The following PHACTR2 variants were observed in gnomAD, a reference collection of about 807,000 sequenced individuals.
PHACTR2 encodes chromosome 6 open reading frame 56.
A neutral mutation model predicts 76.0 loss-of-function variants in PHACTR2; 30 were observed. The ratio of observed to expected loss-of-function variants is 0.39; its 90% confidence interval spans 0.30 to 0.54. The LOEUF is 0.54. Ranked by LOEUF, PHACTR2 falls within the 20% of genes least tolerant of loss-of-function variation. The pLI is 0.61. For synonymous variants in PHACTR2, 292 were observed against 292.5 expected (o/e 1.00, Z 0.02); for missense variants, 696 against 781.1 (o/e 0.89, Z 1.30).
intron 5 of PHACTR2, among the ~76,000 whole-genome samples, chr6:143,763,620 T>G (rs1376643468): frequency 1.3e-5 from 2 of 152,198 alleles, no homozygotes; most frequent in Admixed American, 1.3e-4. Context: ...TATGTATATC[T>G]TAAACGATAA....
rs369788929 is a variant in PHACTR2, at chr6:143,736,873, C to A, written c.215-12112C>A. Among the ~76,000 whole-genome samples the A allele has an allele frequency of 2.4e-4, 37 of 151,760 alleles. 2 individuals are homozygous for A. The highest frequency in any genetic ancestry group is 7.0e-4 in the African/African-American group (29 of 41,356). ...ACTGGCGTGAGCCAACACGTCCGGC[C>A]TACAAGATATTTTAATCATCCTAAC... On this transcript the variant is annotated intron_variant, in intron 2 of 12. Transcript: ENST00000440869.
chr6:143,830,617 G>A lies in PHACTR2; in HGVS notation c.*6928G>A, dbSNP rs1776647647. 1 of 152,152 alleles carries A rather than the reference G, an allele frequency of 6.6e-6. No individual in the cohort carries two copies. Among genetic ancestry groups the A allele is most frequent in the Non-Finnish European group, 1.5e-5 (1 of 68,014 alleles). The allele number at this position is 152,152 out of a possible 1,614,324, so 9.4% of individuals were successfully genotyped here. A position where few individuals can be genotyped will look rare whatever the true frequency, so the allele number is the denominator to read the frequency against. On this transcript the variant is annotated 3_prime_UTR_variant, in exon 13 of 13. Coordinates refer to ENST00000440869, the MANE Select transcript of PHACTR2 (RefSeq NM_001100164.2). ...TTCCACTATTGTAACCTGAAAGAAA[G>A]ACTATGTATTCCCTTTTTTAATTCC...
At position 143,648,067 on chromosome 6, in the gene PHACTR2, G is replaced by A. The variant is rs1776691193; in HGVS notation, c.13+39745G>A. Among the ~76,000 whole-genome samples, 1 of 152,174 alleles carries A rather than the reference G, an allele frequency of 6.6e-6. No individual in the cohort carries two copies. ...GGCTGCGACAGAGCCACAACAGTTG[G>A]GAACTGGTGGGTGATGACATTTGGG... is the stretch of plus-strand genomic sequence containing the variant. On this transcript the variant is annotated intron_variant, in intron 1 of 11. Coordinates refer to the PHACTR2 transcript ENST00000305766. The surrounding 1 kb of genome is among the most constrained non-coding windows in gnomAD (Gnocchi z 6.7).
At chr6:143,726,348 AAT>A (rs1208795591) in intron 2 of PHACTR2, among the ~76,000 whole-genome samples, 2 of 152,164 alleles carry the variant, frequency 1.3e-5, no homozygotes, top group African/African-American at 2.4e-5. Context: ...AGTAGTGTTC[AAT>A]ATATTTACAT....
At chr6:143,796,682 T>C (rs1351006816) in intron 11 of PHACTR2, among the ~76,000 whole-genome samples, 1 of 152,148 alleles carries the variant, frequency 6.6e-6, no homozygotes, top group Non-Finnish European at 1.5e-5. Context: ...GATCTTGTGA[T>C]AGTTTGCTGA....
At chr6:143,600,699 C>T (rs1221621844) in intron 1 of PHACTR2, among the ~76,000 whole-genome samples, 2 of 152,152 alleles carry the variant, frequency 1.3e-5, no homozygotes, top group Non-Finnish European at 2.9e-5. Context: ...TATTTTCATA[C>T]CAAGACTATT....
rs966533221 is a variant in PHACTR2 at position 143,654,489 on chromosome 6, A to C, written c.13+46167A>C. ...TAAATAAAATATACTATATCCACTCAATAGAATATTATTTGCCAATTAAAA... is the reference window on the plus strand; with the variant it reads ...TAAATAAAATATACTATATCCACTCCATAGAATATTATTTGCCAATTAAAA... On this transcript the variant is annotated intron_variant, in intron 1 of 11. Coordinates refer to the PHACTR2 transcript ENST00000305766. This position sits in a 1 kb window ranked among gnomAD's most constrained non-coding sequence, Gnocchi z 4.6. Among the ~76,000 whole-genome samples the C allele has an allele frequency of 2.6e-5, 4 of 152,186 alleles. No individual in the cohort carries two copies. Among genetic ancestry groups the C allele is most frequent in the Non-Finnish European group, 5.9e-5 (4 of 68,024 alleles).
chr6:143,692,624 C>T (rs959295981), intron 1 of PHACTR2, among the ~76,000 whole-genome samples: 2 of 152,154 alleles, frequency 1.3e-5, no homozygotes, highest in East Asian at 3.8e-4. Flanking sequence ...TCAGAACACA[C>T]GTATACCTCA....
Position 143,823,637 on chromosome 6 carries a change from T to G in PHACTR2, c.1923-37T>G. ...GCTCACTGCATGCAGAATGTGCTCC[T>G]AGGCCACAGGCTTATAGTTTCTATT... On this transcript the variant is annotated intron_variant, in intron 12 of 12. Coordinates refer to ENST00000440869, the MANE Select transcript of PHACTR2 (RefSeq NM_001100164.2). The surrounding 1 kb of genome is among the most constrained non-coding windows in gnomAD (Gnocchi z 5.7). 1 of 1,593,040 alleles carries G rather than the reference T, an allele frequency of 6.3e-7. No homozygotes were observed. The highest frequency in any genetic ancestry group is 8.6e-7 in the Non-Finnish European group (1 of 1,161,568).
chr6:143,751,493 C>T lies in PHACTR2; in HGVS notation c.296-2261C>T, dbSNP rs1169360861. Among the ~76,000 whole-genome samples, 1 of 152,066 alleles carries T rather than the reference C, an allele frequency of 6.6e-6. No individual in the cohort carries two copies. The highest frequency in any genetic ancestry group is 1.5e-5 in the Non-Finnish European group (1 of 68,022). Reference sequence around the variant, plus strand: ...CTTTTCTCCCACTGTGGACTTTTGTCACTTGCCTTTTGGTCATACATGATT... The same window carrying T: ...CTTTTCTCCCACTGTGGACTTTTGTTACTTGCCTTTTGGTCATACATGATT... On this transcript the variant is annotated intron_variant, in intron 3 of 12. Transcript: ENST00000440869. This position sits in a 1 kb window ranked among gnomAD's most constrained non-coding sequence, Gnocchi z 5.7.
rs6924967 is a variant in PHACTR2 at position 143,585,098 on chromosome 6, C to T, written c.217+47891C>T. On this transcript the variant is annotated intron_variant, in intron 1 of 11. Transcript: ENST00000367584. This position sits in a 1 kb window ranked among gnomAD's most constrained non-coding sequence, Gnocchi z 5.2. ...TAAGCAGCAATTATGGAGTTGTTGA[C>T]GGGCAGGACCAAGGCCTGGCAGTAG... Among the ~76,000 whole-genome samples the T allele has an allele frequency of 0.62, 93,904 of 151,674 alleles. 29,287 individuals are homozygous for T. Among genetic ancestry groups the T allele is most frequent in the Middle Eastern group, 0.76 (224 of 294 alleles).
Position 143,570,061 on chromosome 6 carries a change from A to G in PHACTR2, c.217+32854A>G, listed in dbSNP as rs901686380. Among the ~76,000 whole-genome samples the G allele has an allele frequency of 6.6e-6, 1 of 152,224 alleles. No homozygotes were observed. The highest frequency in any genetic ancestry group is 6.5e-5 in the Admixed American group (1 of 15,280). ...TAGGAACCTAAATAATAAAAGTCCC[A>G]GTCCAATCCTTTGAGGTCAATTTCA... On this transcript the variant is annotated intron_variant, in intron 1 of 11. Coordinates refer to the PHACTR2 transcript ENST00000367584. The surrounding 1 kb of genome is among the most constrained non-coding windows in gnomAD (Gnocchi z 4.6).
At chr6:143,567,171 C>G (rs1052328813) in intron 1 of PHACTR2, among the ~76,000 whole-genome samples, 1 of 152,070 alleles carries the variant, frequency 6.6e-6, no homozygotes. Context: ...ACCAAAGTGA[C>G]TTTAGCGCCC....
At chr6:143,692,158 T>C (rs1201995968) in intron 1 of PHACTR2, among the ~76,000 whole-genome samples, 1 of 152,190 alleles carries the variant, frequency 6.6e-6, no homozygotes, top group Non-Finnish European at 1.5e-5. Context: ...CCTTCCTTCT[T>C]GTATAAAGAT....
rs769581150 is a variant in PHACTR2 at position 143,684,374 on chromosome 6, A to G, written c.46+6165A>G. Among the ~76,000 whole-genome samples, 96 of 152,212 alleles carry G rather than the reference A, an allele frequency of 6.3e-4. No homozygotes were observed. The highest frequency in any genetic ancestry group is 1.1e-3 in the Non-Finnish European group (75 of 68,020). ...CTTAGGTTTTCCTTTCCCCCTCCAC[A>G]TGGATCCATCAGCAGGTCTTGTTCT... On this transcript the variant is annotated intron_variant, in intron 1 of 12. Transcript: ENST00000440869. This position sits in a 1 kb window ranked among gnomAD's most constrained non-coding sequence, Gnocchi z 4.3.
rs1240361923 is a variant in PHACTR2 at position 143,765,035 on chromosome 6, G to C, written c.695-226G>C. 6.6e-6 allele frequency among the ~76,000 whole-genome samples: 1 copy of C among 152,140 alleles called. No individual in the cohort carries two copies. Among genetic ancestry groups the C allele is most frequent in the Non-Finnish European group, 1.5e-5 (1 of 68,024 alleles). On this transcript the variant is annotated intron_variant, in intron 5 of 12. Transcript: ENST00000440869. The surrounding 1 kb of genome is among the most constrained non-coding windows in gnomAD (Gnocchi z 4.1). ...AAGTGAGAGAAGACAGAGGACTCTT[G>C]TTCCTCTGAGTTTTGCCGTAAATAT...
At chr6:143,626,229 A>G (rs1051398667) in intron 1 of PHACTR2, among the ~76,000 whole-genome samples, 2 of 152,088 alleles carry the variant, frequency 1.3e-5, no homozygotes, top group African/African-American at 2.4e-5. Flanking sequence ...TAGTGGCCCA[A>G]ATTGGTTTAA....
rs932616422 is a variant in PHACTR2 at position 143,602,283 on chromosome 6, G to A, written c.217+65076G>A. ...ATTTTGAGGGCATACTGCCGATCCA[G>A]TATTTAGGGACCCACGTGAAGCTTA... On this transcript the variant is annotated intron_variant, in intron 1 of 11. Coordinates refer to the PHACTR2 transcript ENST00000367584. This position sits in a 1 kb window ranked among gnomAD's most constrained non-coding sequence, Gnocchi z 6.1. Among the ~76,000 whole-genome samples the A allele has an allele frequency of 4.6e-5, 7 of 152,172 alleles. No homozygotes were observed. The highest frequency in any genetic ancestry group is 1.7e-4 in the African/African-American group (7 of 41,440).
intron 2 of PHACTR2, among the ~76,000 whole-genome samples, chr6:143,744,502 G>A (rs920899299): frequency 1.3e-5 from 2 of 152,162 alleles, no homozygotes; most frequent in Non-Finnish European, 2.9e-5. Flanking sequence ...GTTGGGAAGG[G>A]GAATAGCCAT....
Sources: gnomAD v4.1 joint callset for allele counts (sites outside exome capture counted in the v4.1 genomes callset) on GRCh38, gnomAD v4.1.1 for gene constraint, Gnocchi (gnomAD v3.1) non-coding constraint, MANE v1.5 for transcripts, NCBI Gene and HGNC (gene_info 2026-07-23, HGNC 2026-07-21) for gene names.